The following WWC1 variants were observed in gnomAD, a reference collection of about 807,000 sequenced individuals.
WWC1 encodes the protein protein KIBRA.
WWC1 carries 55 observed loss-of-function variants against 138.4 expected under a neutral mutation model. That is an observed-to-expected ratio of 0.40 (90% CI 0.32 to 0.50). The LOEUF is 0.50. WWC1 is among the 20% of genes least tolerant of loss of function. The pLI, the probability that WWC1 is intolerant of heterozygous loss-of-function variation, is 0.72. For missense variants in WWC1, 1,226 were observed against 1,420.4 expected, an observed-to-expected ratio of 0.86 and a Z score of 2.20; for synonymous variants, 524 against 564.9, an observed-to-expected ratio of 0.93 and a Z score of 1.03.
At chr5:168,347,693 A>G (rs1774591684) in intron 1 of WWC1, among the ~76,000 whole-genome samples, 1 of 152,050 alleles carries the variant, frequency 6.6e-6, no homozygotes, top group South Asian at 2.1e-4. Flanking sequence ...GTGATGATCT[A>G]TTTCATTTAT....
Position 168,369,200 on chromosome 5 carries a change from A to T in WWC1, c.120-2224A>T, listed in dbSNP as rs188739893. Among the ~76,000 whole-genome samples, 333 of 152,288 alleles carry T rather than the reference A, an allele frequency of 2.2e-3. 4 individuals are homozygous for T. Among genetic ancestry groups the T allele is most frequent in the Non-Finnish European group, 1.4e-3 (93 of 68,020 alleles). On this transcript the variant is annotated intron_variant, in intron 1 of 22. Transcript: ENST00000265293. ...AGGTAAGGATAACTAATGATTTTTG[A>T]GTGCCCATTCACACTAGCACCTGTG...
intron 1 of WWC1, among the ~76,000 whole-genome samples, chr5:168,328,429 C>T (rs1288894476): frequency 2.0e-5 from 3 of 152,104 alleles, no homozygotes; most frequent in African/African-American, 4.8e-5. Context: ...GGTGGAGGCA[C>T]GATCTCTAGA....
chr5:168,431,486 CTGG>C (rs752995272), intron 15 of WWC1, 42 bp downstream of exon 15: 2 of 1,551,276 alleles, frequency 1.3e-6, no homozygotes, highest in Admixed American at 3.6e-5. Context: ...GGCTGGCTGG[CTGG>C]CTGGCTGGCT....
At chr5:168,385,030 ATTTGT>A (rs1227154982) in intron 2 of WWC1, among the ~76,000 whole-genome samples, 176 bp from the exon 3 acceptor site, 1 of 152,036 alleles carries the variant, frequency 6.6e-6, no homozygotes, top group Non-Finnish European at 1.5e-5. Flanking sequence ...CTGGCTTATT[ATTTGT>A]TTGACTACTC....
intron 9 of WWC1, chr5:168,414,807 GCTAC>G: frequency 1.5e-6 from 1 of 659,672 alleles, no homozygotes; most frequent in Non-Finnish European, 2.4e-6. Context: ...GGTGAATCAT[GCTAC>G]CAAAAAGTCT....
chr5:168,326,740 A>G (rs1772592936), intron 1 of WWC1, among the ~76,000 whole-genome samples: 1 of 149,816 alleles, frequency 6.7e-6, no homozygotes, highest in African/African-American at 2.5e-5. Flanking sequence ...GGGTTTCACC[A>G]TGTTGGACAG....
At chr5:168,423,399 G>A in intron 10 of WWC1, 134 bp from the exon 11 acceptor site, 1 of 954,186 alleles carries the variant, frequency 1.0e-6, no homozygotes, top group African/African-American at 1.6e-5. Context: ...CATGAAGTGG[G>A]GGTGAAGGGT....
chr5:168,468,640 T>G (rs1757498203), intron 22 of WWC1, among the ~76,000 whole-genome samples: 2 of 152,230 alleles, frequency 1.3e-5, no homozygotes, highest in Admixed American at 1.3e-4. Flanking sequence ...CCTTTTAAAC[T>G]GAGAAGCCTC....
At chr5:168,332,269 A>G (rs1232436361) in intron 1 of WWC1, among the ~76,000 whole-genome samples, 2 of 152,202 alleles carry the variant, frequency 1.3e-5, no homozygotes, top group Non-Finnish European at 2.9e-5. Flanking sequence ...ATCTTATACC[A>G]TAGTTCATTC....
At chr5:168,320,079 G>T (rs1482552926) in intron 1 of WWC1, among the ~76,000 whole-genome samples, 1 of 148,954 alleles carries the variant, frequency 6.7e-6, no homozygotes, top group East Asian at 2.0e-4. Flanking sequence ...CTGTTGCCCA[G>T]GCTGGAGTGC....
chr5:168,356,404 C>T (rs1775423785), intron 1 of WWC1, among the ~76,000 whole-genome samples: 1 of 152,222 alleles, frequency 6.6e-6, no homozygotes, highest in Non-Finnish European at 1.5e-5. Flanking sequence ...TGCCCGCTCC[C>T]CTGGCCTCCA....
chr5:168,418,189 C>A (rs1338101123), intron 9 of WWC1, among the ~76,000 whole-genome samples: 1 of 152,308 alleles, frequency 6.6e-6, no homozygotes, highest in Non-Finnish European at 1.5e-5. Context: ...GAGAGGCCGA[C>A]TGCAGGACCT....
At chr5:168,304,205 G>T (rs746979513) in intron 1 of WWC1, among the ~76,000 whole-genome samples, 20 of 152,164 alleles carry the variant, frequency 1.3e-4, no homozygotes, top group Non-Finnish European at 2.6e-4. Context: ...CAGAGTTACT[G>T]CTCAATTCGT....
At chr5:168,444,925 ATAAAT>A (rs1755111419) in intron 17 of WWC1, among the ~76,000 whole-genome samples, 1 of 152,046 alleles carries the variant, frequency 6.6e-6, no homozygotes, top group Non-Finnish European at 1.5e-5. Context: ...GTAGTTTGCC[ATAAAT>A]TAAAGAGTTC....
chr5:168,435,140 A>G (rs1782254162), intron 15 of WWC1, among the ~76,000 whole-genome samples: 2 of 152,102 alleles, frequency 1.3e-5, no homozygotes, highest in Admixed American at 6.5e-5. Context: ...CACAATGACT[A>G]ATTCATACTT....
intron 11 of WWC1, among the ~76,000 whole-genome samples, chr5:168,427,318 T>C (rs1175901304): frequency 6.6e-6 from 1 of 152,270 alleles, no homozygotes; most frequent in East Asian, 1.9e-4. Flanking sequence ...GGACTTCCCT[T>C]ATAATGTCTC....
At chr5:168,392,578 A>C (rs1485372823) in intron 3 of WWC1, among the ~76,000 whole-genome samples, 1 of 152,224 alleles carries the variant, frequency 6.6e-6, no homozygotes, top group Non-Finnish European at 1.5e-5. Flanking sequence ...CTGTAGTCCC[A>C]GCTATTCAGT....
chr5:168,437,020 TAAA>T (rs58551636), intron 15 of WWC1, among the ~76,000 whole-genome samples: 3,505 of 152,196 alleles, frequency 0.023, 115 homozygotes, highest in African/African-American at 0.074. Flanking sequence ...GGCCACTTAT[TAAA>T]ATCTCTGGGA....
At position 168,326,216 on chromosome 5, in the gene WWC1, C is replaced by CTTTTTTTTTTTTT. The variant is rs796347858; in HGVS notation, c.119+33951_119+33963dup. ...TGGCTCAGGACACCGACCTGATAGTCTTTTTTTTTTTTTTTTTTGGGACGG... is the reference window on the plus strand; with the variant it reads ...TGGCTCAGGACACCGACCTGATAGTCTTTTTTTTTTTTTTTTTTTTTTTTTTTTTTTGGGACGG... On this transcript the variant is annotated intron_variant, in intron 1 of 22. Coordinates refer to ENST00000265293, the MANE Select transcript of WWC1 (RefSeq NM_015238.3). Among the ~76,000 whole-genome samples the CTTTTTTTTTTTTT allele has an allele frequency of 3.7e-3, 421 of 113,208 alleles. 17 individuals are homozygous for CTTTTTTTTTTTTT. The highest frequency in any genetic ancestry group is 0.014 in the African/African-American group (394 of 29,090). 74.3% of individuals were successfully genotyped at this position (113,208 alleles called of 152,430 possible). A position where few individuals can be genotyped will look rare whatever the true frequency, so the allele number is the denominator to read the frequency against.
Sources: gnomAD v4.1 joint callset for allele counts (sites outside exome capture counted in the v4.1 genomes callset) on GRCh38, gnomAD v4.1.1 for gene constraint, MANE v1.5 for transcripts, NCBI Gene and HGNC (gene_info 2026-07-23, HGNC 2026-07-21) for gene names.